Variants in SYNE2 observed in about 807,000 individuals in gnomAD.
The protein encoded by SYNE2 is spectrin repeat containing nuclear envelope protein 2.
A neutral mutation model predicts 856.3 loss-of-function variants in SYNE2; 431 were observed. The ratio of observed to expected loss-of-function variants is 0.50; its 90% CI spans 0.47 to 0.55. The LOEUF is 0.55. Ranked by LOEUF, SYNE2 falls within the 20% of genes least tolerant of loss-of-function variation. The pLI is 0.00. For synonymous variants in SYNE2, 2,923 were observed against 2,872.3 expected (o/e 1.02, Z -0.56); for missense variants, 8,129 against 8,023.2 (o/e 1.01, Z -0.50).
chr14:64,155,223 A>C (rs74544382), intron 85 of SYNE2, among the ~76,000 whole-genome samples: 1 of 152,236 alleles, frequency 6.6e-6, no homozygotes, highest in Admixed American at 6.5e-5. Flanking sequence ...CCAACTGTCC[A>C]TCTACTAATG....
chr14:64,047,590 T>C (rs1400609664), intron 45 of SYNE2, among the ~76,000 whole-genome samples: 1 of 152,220 alleles, frequency 6.6e-6, no homozygotes, highest in Non-Finnish European at 1.5e-5. Flanking sequence ...ATAATTAATA[T>C]CACAAATCCT....
intron 21 of SYNE2, 65 bp from the exon 22 acceptor site, chr14:63,993,770 A>AT: frequency 6.8e-7 from 1 of 1,461,466 alleles, no homozygotes; most frequent in Non-Finnish European, 9.4e-7. Context: ...AGCTTAGAGG[A>AT]TTTTGAGGAT....
At chr14:63,793,915 G>A (rs1887828562) in intron 1 of SYNE2, among the ~76,000 whole-genome samples, 1 of 150,660 alleles carries the variant, frequency 6.6e-6, no homozygotes, top group Non-Finnish European at 1.5e-5. Context: ...CTCCAGCCTG[G>A]GCAACAGAAT....
At chr14:63,993,048 C>T (rs2096681835) in intron 21 of SYNE2, among the ~76,000 whole-genome samples, 1 of 152,116 alleles carries the variant, frequency 6.6e-6, no homozygotes, top group Admixed American at 6.6e-5. Flanking sequence ...GTTTCTGTTC[C>T]TGTAGAGTAT....
At chr14:64,197,945 C>T (rs890426981) in intron 99 of SYNE2, among the ~76,000 whole-genome samples, 14 of 152,188 alleles carry the variant, frequency 9.2e-5, no homozygotes, top group East Asian at 3.8e-4. Context: ...TAATTTAAAG[C>T]GGCTCTTAGG....
chr14:63,957,409 C>G (rs1282513385), intron 8 of SYNE2, among the ~76,000 whole-genome samples: 1 of 151,524 alleles, frequency 6.6e-6, no homozygotes, highest in African/African-American at 2.4e-5. Context: ...GCTGGGTCTA[C>G]TGGTGTGTGC....
At chr14:64,192,296 G>T (rs976310833) in intron 99 of SYNE2, among the ~76,000 whole-genome samples, 4 of 151,946 alleles carry the variant, frequency 2.6e-5, no homozygotes, top group African/African-American at 7.3e-5. Flanking sequence ...AAGTCTTCTC[G>T]GGCCCTTGGC....
chr14:64,118,202 A>ATGGTGCTGGAATGTGAGTTTGTCT lies in SYNE2; in HGVS notation c.12841-1224_12841-1201dup, dbSNP rs554047224. 1.1e-3 allele frequency among the ~76,000 whole-genome samples: 170 copies of ATGGTGCTGGAATGTGAGTTTGTCT among 152,318 alleles called. 1 individual carries two copies. Among genetic ancestry groups the ATGGTGCTGGAATGTGAGTTTGTCT allele is most frequent in the Non-Finnish European group, 1.7e-3 (113 of 68,026 alleles). ...GCACCGAGTTTTAGTACAAATGATC[A>ATGGTGCTGGAATGTGAGTTTGTCT]TGGTGCTGGAATGTGAGTTTGTCTG... is the stretch of plus-strand genomic sequence containing the variant. On this transcript the variant is annotated intron_variant, in intron 66 of 115. Coordinates refer to ENST00000555002, the MANE Select transcript of SYNE2 (RefSeq NM_182914.3).
At chr14:64,208,641 A>C in intron 100 of SYNE2, 117 bp from the exon 101 acceptor site, 73 of 1,065,890 alleles carry the variant, frequency 6.8e-5, no homozygotes, top group Non-Finnish European at 9.6e-5. Context: ...GTGGAAATCC[A>C]CCCAGGGAAG....
Position 63,997,384 on chromosome 14 carries a change from C to T in SYNE2, c.3236C>T (p.Thr1079Ile), listed in dbSNP as rs2096721699. 1 of 1,611,690 alleles carries T rather than the reference C, an allele frequency of 6.2e-7. No homozygotes were observed. Among genetic ancestry groups the T allele is most frequent in the Non-Finnish European group, 8.5e-7 (1 of 1,178,788 alleles). The change falls in exon 25 of 116, where the codon ACT becomes ATT. Residue 1079 changes from threonine (T) to isoleucine (I), a missense_variant. Physicochemically the swap from Thr to Ile is moderately conservative, Grantham distance 89 (BLOSUM62 -1). Coordinates refer to ENST00000555002, the MANE Select transcript of SYNE2 (RefSeq NM_182914.3). ...PFAKSDNQPS[T>I]EKAMEPTMKF... is the part of the protein sequence containing the mutation. ...GCAAAATCAGATAATCAGCCATCAACTGAAAAGGTGTTAAATGTGGATAAT... is the reference window on the plus strand; with the variant it reads ...GCAAAATCAGATAATCAGCCATCAATTGAAAAGGTGTTAAATGTGGATAAT...
At chr14:63,831,930 A>C (rs1382895048) in intron 1 of SYNE2, among the ~76,000 whole-genome samples, 1 of 151,960 alleles carries the variant, frequency 6.6e-6, no homozygotes, top group East Asian at 1.9e-4. Context: ...ACTAGAAAAC[A>C]TATTTTTTTT....
chr14:63,948,804 A>ATGTGTGTGTGTGTG (rs1566885022), intron 6 of SYNE2, among the ~76,000 whole-genome samples: 3 of 110,872 alleles, frequency 2.7e-5, no homozygotes, highest in African/African-American at 6.7e-5. Flanking sequence ...ATATATATAT[A>ATGTGTGTGTGTGTG]TATATATATA....
At chr14:63,915,477 A>G (rs988521545) in intron 2 of SYNE2, among the ~76,000 whole-genome samples, 1 of 152,228 alleles carries the variant, frequency 6.6e-6, no homozygotes, top group Non-Finnish European at 1.5e-5. Context: ...AATGCTCTAG[A>G]AAAACAGCAT....
intron 1 of SYNE2, among the ~76,000 whole-genome samples, chr14:63,785,841 C>T (rs531652651): frequency 2.4e-4 from 36 of 151,838 alleles, no homozygotes; most frequent in African/African-American, 8.2e-4. Flanking sequence ...CATGGTGGCT[C>T]ACACCTGTAG....
At chr14:63,920,113 T>C (rs1032488148) in intron 2 of SYNE2, among the ~76,000 whole-genome samples, 13 of 152,148 alleles carry the variant, frequency 8.5e-5, no homozygotes, top group African/African-American at 2.9e-4. Flanking sequence ...GAACACTTAC[T>C]GTGTATAAGG....
chr14:64,038,340 C>G (rs1243133576), intron 45 of SYNE2, among the ~76,000 whole-genome samples: 1 of 152,164 alleles, frequency 6.6e-6, no homozygotes, highest in Non-Finnish European at 1.5e-5. Flanking sequence ...CGGGCAGAGA[C>G]GCTCCTCACT....
rs527566460 is a variant in SYNE2 at position 64,187,324 on chromosome 14, G to A, written c.17712+745G>A. On this transcript the variant is annotated intron_variant, in intron 97 of 115. Transcript: ENST00000555002. ...TTCAGACACGTTCTCCTTGATTTTA[G>A]TATTTAATATTCACAATGTACCCTA... Among the ~76,000 whole-genome samples the A allele has an allele frequency of 3.5e-3, 532 of 152,210 alleles. 2 individuals carry two copies. Among genetic ancestry groups the A allele is most frequent in the African/African-American group, 0.012 (512 of 41,512 alleles).
intron 1 of SYNE2, among the ~76,000 whole-genome samples, chr14:63,792,114 C>G: frequency 6.6e-6 from 1 of 151,940 alleles, no homozygotes; most frequent in Non-Finnish European, 1.5e-5. Flanking sequence ...TCCAACCATA[C>G]GAGTAATTAC....
intron 1 of SYNE2, among the ~76,000 whole-genome samples, chr14:63,792,672 TG>T (rs371846991): frequency 0.39 from 59,272 of 151,518 alleles, 13,942 homozygotes; most frequent in South Asian, 0.55. Context: ...TTTGTTTGTT[TG>T]TTTGTTTTTT....
Sources: allele counts gnomAD v4.1 joint callset (sites outside exome capture counted in the v4.1 genomes callset), GRCh38; gene constraint gnomAD v4.1.1; transcripts MANE v1.5; gene names NCBI Gene and HGNC (gene_info 2026-07-23, HGNC 2026-07-21).